The following IL1RAP variants were observed in gnomAD, a reference collection of about 807,000 sequenced individuals.
IL1RAP encodes the protein interleukin 1 receptor accessory protein.
In IL1RAP, 35 loss-of-function variants were observed where a neutral mutation model predicts 60.7. The observed-to-expected ratio is 0.58, with a 90% CI of 0.44 to 0.76. IL1RAP has a LOEUF of 0.76. Ranked by LOEUF, IL1RAP falls within the 30% of genes least tolerant of loss-of-function variation. The pLI is 0.00. For synonymous variants in IL1RAP, 268 were observed against 250.9 expected (o/e 1.07, Z -0.64); for missense variants, 572 against 693.9 (o/e 0.82, Z 1.97).
chr3:190,526,164 A>G (rs1041973729), intron 1 of IL1RAP, among the ~76,000 whole-genome samples: 1 of 152,240 alleles, frequency 6.6e-6, no homozygotes, highest in African/African-American at 2.4e-5. Flanking sequence ...GCTTGATAAC[A>G]TATGCCAGAC....
chr3:190,544,476 T>G lies in IL1RAP; in HGVS notation c.-88-11654T>G, dbSNP rs1012419013. On this transcript the variant is annotated intron_variant, in intron 1 of 11. Transcript: ENST00000447382. ...GGTTTAGCAAATTAGAAAATTGATT[T>G]GAATTTCCTACTTTTTTCCCAATTA... 3.3e-5 allele frequency among the ~76,000 whole-genome samples: 5 copies of G among 152,330 alleles called. No homozygotes were observed. The East Asian group carries it at 5.8e-4, about 18-fold the overall frequency.
At chr3:190,576,644 C>T (rs1303199566) in intron 3 of IL1RAP, among the ~76,000 whole-genome samples, 1 of 152,140 alleles carries the variant, frequency 6.6e-6, no homozygotes, top group Non-Finnish European at 1.5e-5. Context: ...GTCTCTCACA[C>T]ACAGTGGTTG....
chr3:190,602,878 G>A (rs1729978642), intron 3 of IL1RAP, among the ~76,000 whole-genome samples: 1 of 152,142 alleles, frequency 6.6e-6, no homozygotes, highest in South Asian at 2.1e-4. Context: ...ACTACTTTAA[G>A]GTGATGGTTT....
Position 190,616,821 on chromosome 3 carries a change from A to G in IL1RAP, c.538-3454A>G, listed in dbSNP as rs111521920. Among the ~76,000 whole-genome samples, 338 of 152,262 alleles carry G rather than the reference A, an allele frequency of 2.2e-3. 3 individuals carry two copies. Among genetic ancestry groups the G allele is most frequent in the African/African-American group, 7.7e-3 (321 of 41,564 alleles). ...TCATTCATACCTTTGATCAGGCAACACTAACGTGTCGAGCATTTACCAAGC... is the reference window on the plus strand; with the variant it reads ...TCATTCATACCTTTGATCAGGCAACGCTAACGTGTCGAGCATTTACCAAGC... On this transcript the variant is annotated intron_variant, in intron 5 of 11. Coordinates refer to ENST00000447382, the MANE Select transcript of IL1RAP (RefSeq NM_002182.4).
chr3:190,611,547 G>T (rs1294564695), intron 5 of IL1RAP, among the ~76,000 whole-genome samples: 1 of 152,154 alleles, frequency 6.6e-6, no homozygotes, highest in African/African-American at 2.4e-5. Flanking sequence ...ATCTAAGCAT[G>T]CATATATAGG....
At position 190,648,433 on chromosome 3, in the gene IL1RAP, C is replaced by T; in HGVS notation, c.1441C>T (p.Leu481=). Residue 481 remains leucine, a synonymous_variant, in exon 12 of 12, where the codon CTG becomes TTG. Coordinates refer to ENST00000447382, the MANE Select transcript of IL1RAP (RefSeq NM_002182.4). ...NYVLQGTQAL[L]ELKAGLENMA... is the part of the protein sequence containing the mutation. ...CGTGCTCCAGGGAACCCAAGCCCTC[C>T]TGGAGCTCAAGGCTGGCCTAGAAAA... 2 of 1,614,144 alleles carry T rather than the reference C, an allele frequency of 1.2e-6. No homozygotes were observed. The highest frequency in any genetic ancestry group is 1.7e-6 in the Non-Finnish European group (2 of 1,180,012).
intron 1 of IL1RAP, among the ~76,000 whole-genome samples, chr3:190,535,959 T>C (rs1335690865): frequency 3.9e-4 from 59 of 152,252 alleles, no homozygotes; most frequent in Admixed American, 3.9e-3. Context: ...TCCTGAGAAA[T>C]TATACTTTCA....
chr3:190,659,056 T>C (rs924314106), exon 12 of IL1RAP: 1 of 152,188 alleles, frequency 6.6e-6, no homozygotes, highest in Non-Finnish European at 1.5e-5. Flanking sequence ...TAATGGGTAA[T>C]GTAAGCGGCT....
intron 3 of IL1RAP, among the ~76,000 whole-genome samples, chr3:190,600,118 T>C (rs779624980): frequency 3.3e-5 from 5 of 152,182 alleles, no homozygotes; most frequent in Non-Finnish European, 1.5e-5. Flanking sequence ...AAGAAGCTGA[T>C]TGGAAATTCT....
At chr3:190,617,447 T>C (rs190723507) in intron 5 of IL1RAP, among the ~76,000 whole-genome samples, 6 of 152,270 alleles carry the variant, frequency 3.9e-5, no homozygotes, top group Admixed American at 3.3e-4. Flanking sequence ...AACCATAGCA[T>C]GGTTGAAAAA....
At chr3:190,607,930 G>A (rs1425156875) in intron 4 of IL1RAP, among the ~76,000 whole-genome samples, 2 of 152,040 alleles carry the variant, frequency 1.3e-5, no homozygotes, top group Admixed American at 6.6e-5. Context: ...TCTATCATGT[G>A]ACAAAATATC....
chr3:190,630,711 C>T (rs915319736), intron 9 of IL1RAP, among the ~76,000 whole-genome samples: 1 of 152,098 alleles, frequency 6.6e-6, no homozygotes, highest in African/African-American at 2.4e-5. Context: ...AGGCAGTTTC[C>T]CAAATTGAGT....
intron 11 of IL1RAP, among the ~76,000 whole-genome samples, chr3:190,647,168 T>G (rs1226366844): frequency 6.6e-6 from 1 of 152,184 alleles, no homozygotes; most frequent in African/African-American, 2.4e-5. Flanking sequence ...CTGGGTCTCT[T>G]GCCATGCTTG....
chr3:190,553,157 A>C (rs1295188209), intron 1 of IL1RAP, among the ~76,000 whole-genome samples: 1 of 152,202 alleles, frequency 6.6e-6, no homozygotes. Context: ...ATGTGGTTAC[A>C]TGCCACGCCC....
intron 1 of IL1RAP, among the ~76,000 whole-genome samples, 162 bp downstream of exon 1, chr3:190,514,381 G>A (rs1290486942): frequency 6.6e-6 from 1 of 152,210 alleles, no homozygotes; most frequent in Non-Finnish European, 1.5e-5. Context: ...CTGCTAGTTA[G>A]GACTGGAGCC....
At chr3:190,629,754 C>A (rs1732625004) in intron 9 of IL1RAP, 7 of 1,174,040 alleles carry the variant, frequency 6.0e-6, no homozygotes, top group Non-Finnish European at 7.4e-6. Context: ...CAGTGAGACA[C>A]AATTTTGTGT....
intron 9 of IL1RAP, among the ~76,000 whole-genome samples, chr3:190,632,647 A>G (rs1732885760): frequency 6.6e-6 from 1 of 152,230 alleles, no homozygotes; most frequent in African/African-American, 2.4e-5. Context: ...TAAATTCAGT[A>G]TTAGCAATCT....
chr3:190,652,754 G>T (rs1038150574), downstream of IL1RAP, among the ~76,000 whole-genome samples: 5 of 152,174 alleles, frequency 3.3e-5, no homozygotes, highest in Admixed American at 6.5e-5. Context: ...TTGAGATTTT[G>T]TATATGAGTT....
chr3:190,627,790 T>A (rs1216695450), intron 8 of IL1RAP, among the ~76,000 whole-genome samples: 1 of 152,168 alleles, frequency 6.6e-6, no homozygotes, highest in African/African-American at 2.4e-5. Context: ...AGAATACATA[T>A]CTTACATGAA....
Sources: gnomAD v4.1 joint callset for allele counts (sites outside exome capture counted in the v4.1 genomes callset) on GRCh38, gnomAD v4.1.1 for gene constraint, MANE v1.5 for transcripts, NCBI Gene and HGNC (gene_info 2026-07-23, HGNC 2026-07-21) for gene names.